The following NRCAM variants were observed in gnomAD, a reference collection of about 807,000 sequenced individuals.
The protein encoded by NRCAM is NgCAM-related cell adhesion molecule.
NRCAM carries 83 observed loss-of-function variants against 156.5 expected under a neutral mutation model. The observed-to-expected ratio is 0.53, with a 90% confidence interval of 0.44 to 0.64. NRCAM has a LOEUF of 0.64. Among genes scored for constraint, NRCAM ranks in the 30% least tolerant of loss-of-function variants. NRCAM has a pLI of 0.00. For synonymous variants in NRCAM, 538 were observed against 563.9 expected, an observed-to-expected ratio of 0.95 and a Z score of 0.65; for missense variants, 1,417 against 1,597.3, an observed-to-expected ratio of 0.89 and a Z score of 1.92.
intron 2 of NRCAM, among the ~76,000 whole-genome samples, chr7:108,388,803 T>G (rs2099749953): frequency 6.6e-6 from 1 of 152,236 alleles, no homozygotes; most frequent in Non-Finnish European, 1.5e-5. Context: ...CCAGCACCAT[T>G]TATTAAATAG....
chr7:108,175,276 T>C, intron 28 of NRCAM, 46 bp downstream of exon 28: 2 of 1,512,394 alleles, frequency 1.3e-6, no homozygotes, highest in Non-Finnish European at 9.0e-7. Context: ...TGTTTCACAT[T>C]GCAAATTTCA....
Position 108,291,388 on chromosome 7 carries a change from A to G in NRCAM, c.-107+21277T>C, listed in dbSNP as rs139351648. ...GCGAACAAGCAAATGCTTAGAGGTC[A>G]TATGCCTGATGCTATATAATTAGAA... On this transcript the variant is annotated intron_variant, in intron 3 of 32. Coordinates refer to ENST00000379028, the MANE Select transcript of NRCAM (RefSeq NM_001037132.4). Among the ~76,000 whole-genome samples the G allele has an allele frequency of 2.4e-4, 37 of 152,332 alleles. No homozygotes were observed. In the East Asian group the frequency reaches 6.2e-3, roughly 25 times the overall value.
intron 2 of NRCAM, among the ~76,000 whole-genome samples, chr7:108,332,659 T>C (rs554242015): frequency 6.6e-6 from 1 of 152,306 alleles, no homozygotes; most frequent in Admixed American, 6.5e-5. Flanking sequence ...ATACTAAAAC[T>C]AATCAGAATG....
At chr7:108,259,401 T>C (rs1468475611) in intron 3 of NRCAM, among the ~76,000 whole-genome samples, 1 of 152,220 alleles carries the variant, frequency 6.6e-6, no homozygotes, top group Non-Finnish European at 1.5e-5. Context: ...GATGGGAATG[T>C]AAATTAGTTC....
chr7:108,320,438 CA>C (rs2098987737), intron 2 of NRCAM, among the ~76,000 whole-genome samples: 1 of 151,160 alleles, frequency 6.6e-6, no homozygotes, highest in Admixed American at 6.6e-5. Flanking sequence ...CAGAGCTAGA[CA>C]AAACAAAACA....
At chr7:108,193,493 C>G (rs2073336965) in intron 17 of NRCAM, among the ~76,000 whole-genome samples, 2 of 152,222 alleles carry the variant, frequency 1.3e-5, no homozygotes, top group Admixed American at 1.3e-4. Context: ...GACCTTTCTT[C>G]CATTCTTAAT....
chr7:108,238,655 C>T (rs1189003068), intron 4 of NRCAM, among the ~76,000 whole-genome samples: 1 of 152,060 alleles, frequency 6.6e-6, no homozygotes, highest in Non-Finnish European at 1.5e-5. Context: ...TAAGAGAGAA[C>T]AAAAGCATTT....
At chr7:108,445,208 T>C (rs955733428) in intron 1 of NRCAM, among the ~76,000 whole-genome samples, 2 of 152,242 alleles carry the variant, frequency 1.3e-5, no homozygotes, top group Non-Finnish European at 2.9e-5. Flanking sequence ...TTATGGACAT[T>C]GACTGCAACT....
At chr7:108,234,097 A>G (rs1004101896) in intron 6 of NRCAM, among the ~76,000 whole-genome samples, 3 of 152,216 alleles carry the variant, frequency 2.0e-5, no homozygotes, top group African/African-American at 7.2e-5. Flanking sequence ...GACAGCAGAG[A>G]TCTTGGAAGT....
At chr7:108,150,509 T>C (rs2040698359) in intron 32 of NRCAM, among the ~76,000 whole-genome samples, 1 of 152,212 alleles carries the variant, frequency 6.6e-6, no homozygotes, top group Non-Finnish European at 1.5e-5. Context: ...CAAAAGCTTA[T>C]GGCAAGTAAA....
chr7:108,264,911 C>G (rs2097032306), intron 3 of NRCAM, among the ~76,000 whole-genome samples: 1 of 152,014 alleles, frequency 6.6e-6, no homozygotes, highest in Non-Finnish European at 1.5e-5. Flanking sequence ...TTCCCTCCAA[C>G]AGCAGATGAA....
intron 2 of NRCAM, among the ~76,000 whole-genome samples, chr7:108,346,452 GTCA>G (rs1216545353): frequency 6.6e-6 from 1 of 152,074 alleles, no homozygotes; most frequent in Non-Finnish European, 1.5e-5. Flanking sequence ...AGGCTATTCT[GTCA>G]TCATGCATTA....
intron 19 of NRCAM, 31 bp downstream of exon 19, chr7:108,191,223 A>G (rs769322096): frequency 1.3e-6 from 2 of 1,578,068 alleles, no homozygotes; most frequent in East Asian, 4.5e-5. Flanking sequence ...GTTTGACAGA[A>G]AACAGAGAAA....
At chr7:108,447,190 T>C (rs1244804488) in intron 1 of NRCAM, among the ~76,000 whole-genome samples, 1 of 151,990 alleles carries the variant, frequency 6.6e-6, no homozygotes, top group Non-Finnish European at 1.5e-5. Context: ...ATATAATCCT[T>C]ATGCAAAGTG....
Position 108,240,125 on chromosome 7 carries a change from T to G in NRCAM, c.-61A>C. 1 of 1,140,818 alleles carries G rather than the reference T, an allele frequency of 8.8e-7. No individual in the cohort carries two copies. Among genetic ancestry groups the G allele is most frequent in the South Asian group, 1.3e-5 (1 of 77,706 alleles). The allele number at this position is 1,140,818 out of a possible 1,614,324, so 70.7% of individuals were successfully genotyped here. A position where few individuals can be genotyped will look rare whatever the true frequency, so the allele number is the denominator to read the frequency against. On this transcript the variant is annotated 5_prime_UTR_variant, in exon 4 of 33. Transcript: ENST00000379028. The stretch of plus-strand genomic sequence containing the variant: ...TCCTTTTCTTCTTTCACAAAAGATT[T>G]TGTGAAACGTTGTGTGCAACGTTTA...
intron 5 of NRCAM, among the ~76,000 whole-genome samples, chr7:108,237,501 CTTGGAAGTTAG>C (rs1203365631): frequency 6.6e-6 from 1 of 152,102 alleles, no homozygotes; most frequent in African/African-American, 2.4e-5. Flanking sequence ...GTGAATAAAG[CTTGGAAGTTAG>C]TAGAGCAGCA....
chr7:108,377,245 T>G (rs959751271), intron 2 of NRCAM, among the ~76,000 whole-genome samples: 3 of 152,172 alleles, frequency 2.0e-5, no homozygotes, highest in African/African-American at 7.2e-5. Context: ...TTAGGAAATT[T>G]ATAGCCAATA....
At chr7:108,387,944 A>C (rs920694355) in intron 2 of NRCAM, among the ~76,000 whole-genome samples, 1 of 152,034 alleles carries the variant, frequency 6.6e-6, no homozygotes, top group Non-Finnish European at 1.5e-5. Context: ...ACATTTTCTT[A>C]ATCCAGTCGA....
chr7:108,390,505 G>A (rs2099756209), intron 2 of NRCAM, among the ~76,000 whole-genome samples: 1 of 151,790 alleles, frequency 6.6e-6, no homozygotes, highest in South Asian at 2.1e-4. Flanking sequence ...CAATTTTGTT[G>A]ATTTTTTTAA....
Sources: allele counts gnomAD v4.1 joint callset (sites outside exome capture counted in the v4.1 genomes callset), GRCh38; gene constraint gnomAD v4.1.1; transcripts MANE v1.5; gene names NCBI Gene and HGNC (gene_info 2026-07-23, HGNC 2026-07-21).